The following CASQ1 variants were observed in gnomAD, a reference collection of about 807,000 sequenced individuals.
The protein encoded by CASQ1 is calsequestrin 1.
Under a neutral mutation model 49.5 loss-of-function variants are expected in CASQ1, and 40 were observed. The observed-to-expected ratio is 0.81, with a 90% confidence interval of 0.63 to 1.05. CASQ1 has a LOEUF of 1.05. Ranked by LOEUF, CASQ1 falls within the 50% of genes least tolerant of loss-of-function variation. The probability of loss-of-function intolerance (pLI) is 0.00; values close to 1 mark genes in which losing one functional copy is unlikely to be tolerated. For missense variants in CASQ1, 469 were observed against 486.9 expected (o/e 0.96, Z 0.35); for synonymous variants, 174 against 187.2 (o/e 0.93, Z 0.58).
At chr1:160,194,452 A>G (rs1654160572) in intron 3 of CASQ1, among the ~76,000 whole-genome samples, 1 of 13,520 alleles carries the variant, frequency 7.4e-5, no homozygotes, top group African/African-American at 8.9e-5. Context: ...AACACACACC[A>G]CACACACCCA....
chr1:160,190,724 G>T lies in CASQ1; in HGVS notation c.-28G>T, dbSNP rs1442819677. On this transcript the variant is annotated 5_prime_UTR_variant, in exon 1 of 11. Coordinates refer to ENST00000368078, the MANE Select transcript of CASQ1 (RefSeq NM_001231.5). ...CCCCAGCTAACCTCTTCTGGACCAG[G>T]AGAGCCAACCCAGATCCCACTACCT... The T allele has an allele frequency of 2.5e-6, 4 of 1,603,744 alleles. No homozygotes were observed. Among genetic ancestry groups the T allele is most frequent in the Non-Finnish European group, 3.4e-6 (4 of 1,172,432 alleles).
At chr1:160,198,033 A>G (rs905237645) in intron 7 of CASQ1, among the ~76,000 whole-genome samples, 1 of 152,000 alleles carries the variant, frequency 6.6e-6, no homozygotes, top group South Asian at 2.1e-4. Context: ...AAAAGAAAAA[A>G]CAGTGCACTA....
chr1:160,193,907 C>T (rs1571048100), intron 3 of CASQ1, 60 bp downstream of exon 3: 2 of 990,140 alleles, frequency 2.0e-6, no homozygotes, highest in African/African-American at 1.6e-5. Context: ...GCCCCCTAGT[C>T]CCTACCAACC....
At position 160,194,992 on chromosome 1, in the gene CASQ1, G is replaced by T; in HGVS notation, c.466-20G>T. On this transcript the variant is annotated intron_variant, in intron 3 of 10. Transcript: ENST00000368078. ...ACTTGAGGATAGAAACTCTCTTCCT[G>T]CAATGTCCTCCTCTTTCAGGTCCTA... 1 of 1,467,004 alleles carries T rather than the reference G, an allele frequency of 6.8e-7. No homozygotes were observed. The highest frequency in any genetic ancestry group is 1.2e-5 in the South Asian group (1 of 82,594). The allele number at this position is 1,467,004 out of a possible 1,614,324, so 90.9% of individuals were successfully genotyped here.
rs202246443 is a variant in CASQ1 at position 160,199,047 on chromosome 1, C to T, written c.978C>T (p.Phe326=). Residue 326 remains phenylalanine, a synonymous_variant, in exon 9 of 11, where the codon TTC becomes TTT. Transcript: ENST00000368078. ...TCATCTGGATTGACCCTGATGACTT[C>T]CCCCTGGTAAGAGGCACAGCTCAGG... is the stretch of plus-strand genomic sequence containing the variant. ...LSIIWIDPDD[F]PLLVPYWEKT... 8.2e-5 allele frequency: 131 copies of T among 1,592,962 alleles called. No homozygotes were observed. The highest frequency in any genetic ancestry group is 6.7e-4 in the East Asian group (30 of 44,784).
At chr1:160,195,385 T>C (rs753519698) in intron 4 of CASQ1, 76 bp from the exon 5 acceptor site, 6 of 1,362,274 alleles carry the variant, frequency 4.4e-6, no homozygotes, top group Non-Finnish European at 6.3e-6. Context: ...TGCAAAGAAT[T>C]GGGGACGATA....
In CASQ1 at chr1:160,197,846, A is replaced by G. The variant is rs537561959; in HGVS notation, c.828+232A>G. Among the ~76,000 whole-genome samples, 13 of 152,064 alleles carry G rather than the reference A, an allele frequency of 8.5e-5. No individual in the cohort carries two copies. The East Asian group carries it at 2.3e-3, about 27-fold the overall frequency. ...ATCCTGGCTAACACAGTGAAACCCC[A>G]TCTCTACTGAAAATACAAAAAAAAT... On this transcript the variant is annotated intron_variant, in intron 7 of 10. Coordinates refer to ENST00000368078, the MANE Select transcript of CASQ1 (RefSeq NM_001231.5).
chr1:160,193,598 G>C lies in CASQ1; in HGVS notation c.365-149G>C, dbSNP rs1179687666. 5 of 573,850 alleles carry C rather than the reference G, an allele frequency of 8.7e-6. No individual in the cohort carries two copies. In the Admixed American group the frequency reaches 1.4e-4, roughly 16 times the overall value. The allele number at this position is 573,850 out of a possible 1,614,324, so 35.5% of individuals were successfully genotyped here. On this transcript the variant is annotated intron_variant, in intron 2 of 10. Transcript: ENST00000368078. ...GCCTGTCGGCCTCTGGGTCAGAGGA[G>C]GTGGGTGGGGCAACGGGCCCATGAG... is the stretch of plus-strand genomic sequence containing the variant.
intron 10 of CASQ1, 68 bp downstream of exon 10, chr1:160,199,993 T>C: frequency 1.9e-6 from 2 of 1,063,930 alleles, no homozygotes; most frequent in Non-Finnish European, 2.9e-6. Flanking sequence ...GCTCTCCTCC[T>C]CTCTGCTAAC....
chr1:160,195,660 C>T (rs1017378275), intron 5 of CASQ1, 126 bp downstream of exon 5: 1 of 816,006 alleles, frequency 1.2e-6, no homozygotes. Flanking sequence ...CTGCCCCCCC[C>T]CCCGGCTCCT....
intron 6 of CASQ1, 92 bp downstream of exon 6, chr1:160,196,119 C>G: frequency 7.6e-7 from 1 of 1,322,248 alleles, no homozygotes; most frequent in Non-Finnish European, 1.0e-6. Flanking sequence ...CTTAGCCAAC[C>G]GGGAAGCCAA....
Position 160,195,119 on chromosome 1 carries a change from A to C in CASQ1, c.573A>C (p.Ser191=). ...TTGGCTACTTCAAGAGCAAAGACTC[A>C]GAGCGTGGGTAACCCTCAGACTCCA... ...KLIGYFKSKD[S]EHYKAFEDAA... Residue 191 remains serine (S), a synonymous_variant, in exon 4 of 11, where the codon TCA becomes TCC. Coordinates refer to ENST00000368078, the MANE Select transcript of CASQ1 (RefSeq NM_001231.5). The C allele has an allele frequency of 6.3e-7, 1 of 1,597,138 alleles. No homozygotes were observed. Among genetic ancestry groups the C allele is most frequent in the Non-Finnish European group, 8.6e-7 (1 of 1,167,480 alleles).
chr1:160,195,581 T>TGGAG, intron 5 of CASQ1, 47 bp downstream of exon 5: 1 of 1,562,422 alleles, frequency 6.4e-7, no homozygotes, highest in Non-Finnish European at 8.8e-7. Flanking sequence ...GTCCTGAAGC[T>TGGAG]GTCCTCCAGT....
chr1:160,194,813 ACACACCACACATG>A (rs971525002), intron 3 of CASQ1, among the ~76,000 whole-genome samples, 186 bp from the exon 4 acceptor site: 34 of 149,908 alleles, frequency 2.3e-4, no homozygotes, highest in Non-Finnish European at 3.1e-4. Context: ...ACATGCACAC[ACACACCACACATG>A]CACACCACAC....
At chr1:160,198,494 ACT>A (rs1486966804) in intron 7 of CASQ1, among the ~76,000 whole-genome samples, 181 bp from the exon 8 acceptor site, 1 of 151,760 alleles carries the variant, frequency 6.6e-6, no homozygotes, top group Admixed American at 6.6e-5. Context: ...ACAGAGTGAA[ACT>A]CTGTCTCAAA....
rs543363088 is a variant in CASQ1, at chr1:160,199,834, T to C, written c.985-17T>C. 7 of 1,573,602 alleles carry C rather than the reference T, an allele frequency of 4.4e-6. No individual in the cohort carries two copies. In the Admixed American group the frequency reaches 1.2e-4, roughly 26 times the overall value. On this transcript the variant is annotated splice_polypyrimidine_tract_variant and intron_variant, in intron 9 of 10. Coordinates refer to ENST00000368078, the MANE Select transcript of CASQ1 (RefSeq NM_001231.5). Reference sequence around the variant, plus strand: ...CCCTAGTATCTATTAAGTTGCTGTATTTTGATCTCTCTACAGCTGGTCCCA... The same window carrying C: ...CCCTAGTATCTATTAAGTTGCTGTACTTTGATCTCTCTACAGCTGGTCCCA...
Position 160,198,741 on chromosome 1 carries a change from G to A in CASQ1, c.883+10G>A. On this transcript the variant is annotated intron_variant, in intron 8 of 10. Coordinates refer to ENST00000368078, the MANE Select transcript of CASQ1 (RefSeq NM_001231.5). ...GAGGAAGCTGATCCTGGTGAGGGAG[G>A]AATACCGGGTTGGACTGGAGGGAAG... 1 of 1,612,236 alleles carries A rather than the reference G, an allele frequency of 6.2e-7. No homozygotes were observed. The highest frequency in any genetic ancestry group is 8.5e-7 in the Non-Finnish European group (1 of 1,178,288).
chr1:160,198,019 AG>A (rs1419862141), intron 7 of CASQ1, among the ~76,000 whole-genome samples: 3 of 152,052 alleles, frequency 2.0e-5, no homozygotes, highest in South Asian at 2.1e-4. Context: ...TCAAAAAAAA[AG>A]AAAAAAGAAA....
At chr1:160,200,141 C>T (rs1571052902) in intron 10 of CASQ1, among the ~76,000 whole-genome samples, 3 of 152,230 alleles carry the variant, frequency 2.0e-5, no homozygotes, top group African/African-American at 7.2e-5. Context: ...AGTTCAAATT[C>T]TTTCTCCTCT....
Sources: gnomAD v4.1 joint callset for allele counts (sites outside exome capture counted in the v4.1 genomes callset) on GRCh38, gnomAD v4.1.1 for gene constraint, MANE v1.5 for transcripts, NCBI Gene and HGNC (gene_info 2026-07-23, HGNC 2026-07-21) for gene names.